The following GAD2 variants were observed in gnomAD, a reference collection of about 807,000 sequenced individuals.
GAD2 encodes 65 kDa glutamic acid decarboxylase.
Under a neutral mutation model 80.1 loss-of-function variants are expected in GAD2, and 22 were observed. The observed-to-expected ratio is 0.27, with a 90% CI of 0.20 to 0.39. The LOEUF (loss-of-function observed/expected upper bound fraction) is 0.39, where lower values mean the gene tolerates loss of function less well. Ranked by LOEUF, GAD2 falls within the 10% of genes least tolerant of loss-of-function variation. The pLI is 1.00. For synonymous variants in GAD2, 274 were observed against 256.9 expected (o/e 1.07, Z -0.64); for missense variants, 624 against 738.4 (o/e 0.85, Z 1.80).
chr10:26,245,210 G>A (rs1455628408), intron 7 of GAD2, among the ~76,000 whole-genome samples: 3 of 150,334 alleles, frequency 2.0e-5, no homozygotes, highest in Admixed American at 6.6e-5. Flanking sequence ...GGTGCCTGTC[G>A]GGGCTGGGGT....
chr10:26,267,598 C>T (rs1481340556), intron 8 of GAD2, among the ~76,000 whole-genome samples: 1 of 152,172 alleles, frequency 6.6e-6, no homozygotes, highest in East Asian at 1.9e-4. Flanking sequence ...TGTAATGCCC[C>T]TTTTTCCATT....
chr10:26,278,405 T>G (rs1036678296), intron 11 of GAD2, among the ~76,000 whole-genome samples: 1 of 152,238 alleles, frequency 6.6e-6, no homozygotes, highest in Non-Finnish European at 1.5e-5. Context: ...AGCACAGTTC[T>G]AAGCACTTCA....
chr10:26,221,897 C>A (rs866162911), intron 4 of GAD2, among the ~76,000 whole-genome samples: 2 of 152,276 alleles, frequency 1.3e-5, no homozygotes, highest in South Asian at 4.1e-4. Context: ...GGACACCTGA[C>A]CTATGGGGGC....
chr10:26,258,642 A>G (rs1185063437), intron 8 of GAD2, among the ~76,000 whole-genome samples: 1 of 152,178 alleles, frequency 6.6e-6, no homozygotes, highest in East Asian at 1.9e-4. Flanking sequence ...ACAGGATTCG[A>G]CTTTTTGTAA....
At chr10:26,281,186 T>C in intron 12 of GAD2, 99 bp downstream of exon 12, 1 of 846,280 alleles carries the variant, frequency 1.2e-6, no homozygotes, top group South Asian at 1.4e-5. Context: ...CCGGGTCTTC[T>C]CTATGGTCCT....
At chr10:26,274,240 A>C (rs1303371260) in intron 11 of GAD2, among the ~76,000 whole-genome samples, 1 of 152,220 alleles carries the variant, frequency 6.6e-6, no homozygotes, top group Non-Finnish European at 1.5e-5. Flanking sequence ...TTCCCGTAAT[A>C]ACCTTTCTCT....
intron 9 of GAD2, 131 bp from the exon 10 acceptor site, chr10:26,270,509 A>G (rs1845122324): frequency 8.3e-6 from 6 of 726,444 alleles, no homozygotes; most frequent in Non-Finnish European, 1.5e-5. Context: ...CCGGGGTGTC[A>G]GTAACTCTGC....
At chr10:26,274,715 C>T (rs543228067) in intron 11 of GAD2, among the ~76,000 whole-genome samples, 1 of 152,288 alleles carries the variant, frequency 6.6e-6, no homozygotes, top group South Asian at 2.1e-4. Context: ...GCAGAGGGTG[C>T]GATCTGACAC....
In GAD2 at chr10:26,217,252, A is replaced by G. The variant is rs2132267144; in HGVS notation, c.77-358A>G. ...ATAGAAAAAAAAAATGGGAAAGGTG[A>G]GAGATTTCTTTATCTAGAAAGACAG... On this transcript the variant is annotated intron_variant, in intron 1 of 15. Coordinates refer to ENST00000376261, the MANE Select transcript of GAD2 (RefSeq NM_001134366.2). The surrounding 1 kb of genome is among the most constrained non-coding windows in gnomAD (Gnocchi z 4.9). 6.6e-6 allele frequency among the ~76,000 whole-genome samples: 1 copy of G among 151,980 alleles called. No individual in the cohort carries two copies. The highest frequency in any genetic ancestry group is 2.4e-5 in the African/African-American group (1 of 41,402).
intron 7 of GAD2, among the ~76,000 whole-genome samples, chr10:26,237,470 G>A (rs1844688689): frequency 1.3e-5 from 2 of 151,998 alleles, no homozygotes; most frequent in Admixed American, 1.3e-4. Flanking sequence ...CACTGCGCAT[G>A]GCTCTCGGTG....
In GAD2 at chr10:26,234,672, G is replaced by C. The variant is rs12764007; in HGVS notation, c.840+4895G>C. Among the ~76,000 whole-genome samples the C allele has an allele frequency of 4.0e-3, 613 of 152,248 alleles. 1 individual carries two copies. Among genetic ancestry groups the C allele is most frequent in the Non-Finnish European group, 6.0e-3 (408 of 68,024 alleles). ...GCTATGCCTCAGTTTTCTGATCTGG[G>C]AAAGGAAAGTCATATTAATGCTCCT... On this transcript the variant is annotated intron_variant, in intron 7 of 15. Transcript: ENST00000376261.
chr10:26,284,404 ATTAATGTGTT>A (rs1229530161), intron 12 of GAD2, among the ~76,000 whole-genome samples: 14 of 152,126 alleles, frequency 9.2e-5, no homozygotes, highest in African/African-American at 3.1e-4. Context: ...TACAGCAACT[ATTAATGTGTT>A]TTAATGTGTT....
chr10:26,253,429 TAGAAA>T lies in GAD2; in HGVS notation c.920+7437_920+7441del, dbSNP rs1159056252. 8.2e-4 allele frequency among the ~76,000 whole-genome samples: 125 copies of T among 152,286 alleles called. 1 individual carries two copies. The highest frequency in any genetic ancestry group is 2.8e-3 in the African/African-American group (117 of 41,560). ...CATGATGTGTAGCTGTAGCTAAGAA[TAGAAA>T]AGAAAAGTGCATTAATATAGAGAGG... On this transcript the variant is annotated intron_variant, in intron 8 of 15. Transcript: ENST00000376261.
At chr10:26,280,435 G>A (rs1845259022) in intron 11 of GAD2, among the ~76,000 whole-genome samples, 1 of 152,180 alleles carries the variant, frequency 6.6e-6, no homozygotes, top group South Asian at 2.1e-4. Context: ...GTCTGGAAAG[G>A]AAGGACAACT....
chr10:26,273,595 T>C (rs1845163451), intron 10 of GAD2, 41 bp from the exon 11 acceptor site: 2 of 1,548,738 alleles, frequency 1.3e-6, no homozygotes, highest in Non-Finnish European at 1.8e-6. Context: ...ATCTAGGCAA[T>C]GACAAACTGC....
intron 15 of GAD2, among the ~76,000 whole-genome samples, chr10:26,294,319 T>C (rs1419852017): frequency 6.6e-6 from 1 of 152,192 alleles, no homozygotes; most frequent in Non-Finnish European, 1.5e-5. Context: ...TGTGTAGATA[T>C]AAAACCTTCA....
chr10:26,261,505 C>A (rs1330374736), intron 8 of GAD2, among the ~76,000 whole-genome samples: 1 of 152,134 alleles, frequency 6.6e-6, no homozygotes, highest in East Asian at 1.9e-4. Flanking sequence ...TAGAACTATC[C>A]AGGTGAAGCT....
chr10:26,294,019 C>T (rs1484503018), intron 15 of GAD2, among the ~76,000 whole-genome samples: 13 of 152,236 alleles, frequency 8.5e-5, no homozygotes, highest in Admixed American at 8.5e-4. Flanking sequence ...TCATCCTCTC[C>T]TGCTCCCAGC....
In GAD2 at chr10:26,220,018, A is replaced by C. The variant is rs1011750103; in HGVS notation, c.520+742A>C. Among the ~76,000 whole-genome samples the C allele has an allele frequency of 6.6e-5, 10 of 152,288 alleles. No individual in the cohort carries two copies. The East Asian group carries it at 1.9e-3, about 29-fold the overall frequency. On this transcript the variant is annotated intron_variant, in intron 4 of 15. Coordinates refer to ENST00000376261, the MANE Select transcript of GAD2 (RefSeq NM_001134366.2). ...CTTGGCTTTTCACAGGAGTCTTTAT[A>C]TTCCATCCATATTACAGCTTCATTT... is the stretch of plus-strand genomic sequence containing the variant.
Sources: gnomAD v4.1 joint callset for allele counts (sites outside exome capture counted in the v4.1 genomes callset) on GRCh38, gnomAD v4.1.1 for gene constraint, Gnocchi (gnomAD v3.1) non-coding constraint, MANE v1.5 for transcripts, NCBI Gene and HGNC (gene_info 2026-07-23, HGNC 2026-07-21) for gene names.